The following AFF3 variants were observed in gnomAD, a reference collection of about 807,000 sequenced individuals.
AFF3 encodes the protein ALF transcription elongation factor 3, also known as AF4/FMR2 family member 3.
Under a neutral mutation model 129.7 loss-of-function variants are expected in AFF3, and 32 were observed. That is an observed-to-expected ratio of 0.25 (90% CI 0.19 to 0.33). AFF3 has a LOEUF of 0.33. Ranked by LOEUF, AFF3 falls within the 10% of genes least tolerant of loss-of-function variation. The pLI, the probability that AFF3 is intolerant of heterozygous loss-of-function variation, is 1.00. For synonymous variants in AFF3, 644 were observed against 635.4 expected (o/e 1.01, Z -0.20); for missense variants, 1,373 against 1,592.0 (o/e 0.86, Z 2.34).
chr2:99,912,095 T>C (rs1558969104), intron 7 of AFF3, among the ~76,000 whole-genome samples: 1 of 152,218 alleles, frequency 6.6e-6, no homozygotes, highest in Non-Finnish European at 1.5e-5. Flanking sequence ...TATTGCTCTT[T>C]AGCCCAAAGG....
At chr2:99,805,544 T>C (rs528996473) in intron 8 of AFF3, among the ~76,000 whole-genome samples, 2 of 152,286 alleles carry the variant, frequency 1.3e-5, no homozygotes, top group East Asian at 3.9e-4. Context: ...TTACAATTTG[T>C]TGCCTGAGGA....
chr2:99,601,728 A>C, intron 13 of AFF3, 107 bp from the exon 14 acceptor site: 1 of 1,307,956 alleles, frequency 7.6e-7, no homozygotes, highest in South Asian at 1.5e-5. Context: ...GGAGGCACGC[A>C]GCCTACACAT....
At chr2:99,996,383 T>C (rs1680829616) in intron 7 of AFF3, among the ~76,000 whole-genome samples, 2 of 152,052 alleles carry the variant, frequency 1.3e-5, no homozygotes, top group Admixed American at 1.3e-4. Flanking sequence ...CCACAGGTGA[T>C]TTTTTTCTTC....
intron 7 of AFF3, among the ~76,000 whole-genome samples, chr2:99,895,666 AACAG>A (rs1693882003): frequency 1.3e-5 from 2 of 152,104 alleles, no homozygotes; most frequent in Non-Finnish European, 1.5e-5. Context: ...CTTGCTGACG[AACAG>A]ACAGAGCACA....
chr2:99,840,881 A>G (rs1219147236), intron 7 of AFF3, among the ~76,000 whole-genome samples: 6 of 152,222 alleles, frequency 3.9e-5, no homozygotes, highest in Non-Finnish European at 7.3e-5. Context: ...AGTGGTCTGA[A>G]TTAGAAAATG....
At position 100,038,712 on chromosome 2, in the gene AFF3, TTTC is replaced by T. The variant is rs572149936; in HGVS notation, c.54-29783_54-29781del. ...TCATGGGACTATGCAGCATATTTATTTTCTTCTTCTTCTTCTTTTTTTTTTTTT... is the reference window on the plus strand; with the variant it reads ...TCATGGGACTATGCAGCATATTTATTTTCTTCTTCTTCTTTTTTTTTTTTT... On this transcript the variant is annotated intron_variant, in intron 4 of 24. Transcript: ENST00000672756. Among the ~76,000 whole-genome samples, 466 of 151,638 alleles carry T rather than the reference TTTC, an allele frequency of 3.1e-3. 1 individual carries two copies. The highest frequency in any genetic ancestry group is 4.9e-3 in the Non-Finnish European group (335 of 67,934).
intron 1 of AFF3, among the ~76,000 whole-genome samples, chr2:100,137,234 A>G (rs983054732): frequency 1.3e-5 from 2 of 152,214 alleles, no homozygotes; most frequent in South Asian, 2.1e-4. Flanking sequence ...ACAGGATTTC[A>G]TGGTGTTTCC....
At chr2:99,836,006 T>C (rs539117425) in intron 8 of AFF3, among the ~76,000 whole-genome samples, 1 of 152,338 alleles carries the variant, frequency 6.6e-6, no homozygotes, top group African/African-American at 2.4e-5. Flanking sequence ...AATTGAATTT[T>C]GCTTTACCTA....
intron 11 of AFF3, among the ~76,000 whole-genome samples, chr2:99,689,818 T>C (rs778972455): frequency 6.6e-6 from 1 of 151,904 alleles, no homozygotes; most frequent in Non-Finnish European, 1.5e-5. Flanking sequence ...AAATAAGTTA[T>C]AAAAGCTTAC....
chr2:99,689,717 C>T (rs936801774), intron 11 of AFF3, among the ~76,000 whole-genome samples: 12 of 146,088 alleles, frequency 8.2e-5, no homozygotes, highest in African/African-American at 3.0e-4. Context: ...GAGACAAGAC[C>T]TGCAAAGAGC....
At chr2:99,835,199 G>C (rs1312007127) in intron 8 of AFF3, among the ~76,000 whole-genome samples, 1 of 152,120 alleles carries the variant, frequency 6.6e-6, no homozygotes, top group Non-Finnish European at 1.5e-5. Context: ...AGCAGCCAGA[G>C]TGGTGCATTT....
intron 4 of AFF3, among the ~76,000 whole-genome samples, chr2:100,038,638 A>C (rs1396244678): frequency 6.6e-6 from 1 of 152,162 alleles, no homozygotes; most frequent in African/African-American, 2.4e-5. Flanking sequence ...ATGCACAAAA[A>C]GTCTGCCACA....
chr2:99,686,775 A>C (rs1261802494), intron 11 of AFF3, among the ~76,000 whole-genome samples: 2 of 152,198 alleles, frequency 1.3e-5, no homozygotes, highest in African/African-American at 4.8e-5. Flanking sequence ...TTCCTGACTG[A>C]GAACCCTGGT....
At chr2:99,559,230 A>C (rs1391309095) in intron 21 of AFF3, among the ~76,000 whole-genome samples, 1 of 151,846 alleles carries the variant, frequency 6.6e-6, no homozygotes, top group Non-Finnish European at 1.5e-5. Flanking sequence ...CTGTTGGGTC[A>C]CAGGGGCCGG....
At chr2:99,781,531 G>C (rs1390491945) in intron 8 of AFF3, among the ~76,000 whole-genome samples, 1 of 152,168 alleles carries the variant, frequency 6.6e-6, no homozygotes, top group Non-Finnish European at 1.5e-5. Context: ...TGTTTTACTG[G>C]AACACAGCCA....
At chr2:99,556,375 G>A (rs71413844) in intron 22 of AFF3, among the ~76,000 whole-genome samples, 1 of 152,118 alleles carries the variant, frequency 6.6e-6, no homozygotes, top group African/African-American at 2.4e-5. Flanking sequence ...CTGGGAGGTG[G>A]AGGTTAGGGT....
intron 7 of AFF3, among the ~76,000 whole-genome samples, chr2:99,945,789 G>C (rs1439691577): frequency 2.0e-5 from 3 of 152,164 alleles, no homozygotes; most frequent in Non-Finnish European, 4.4e-5. Flanking sequence ...CTCCCTGAAA[G>C]TAAGCCATGC....
intron 11 of AFF3, among the ~76,000 whole-genome samples, chr2:99,712,155 T>C (rs1472343524): frequency 1.3e-5 from 2 of 152,236 alleles, no homozygotes; most frequent in Admixed American, 6.5e-5. Flanking sequence ...GTTGAACCTA[T>C]GAATGGGTCC....
intron 7 of AFF3, among the ~76,000 whole-genome samples, chr2:99,892,521 G>A (rs1398380737): frequency 6.6e-6 from 1 of 152,182 alleles, no homozygotes; most frequent in East Asian, 1.9e-4. Flanking sequence ...AATATGGGAT[G>A]TGAGTCTATT....
Sources: allele counts gnomAD v4.1 joint callset (sites outside exome capture counted in the v4.1 genomes callset), GRCh38; gene constraint gnomAD v4.1.1; transcripts MANE v1.5; gene names NCBI Gene and HGNC (gene_info 2026-07-23, HGNC 2026-07-21).